CDH22: variants seen among roughly 807,000 people sequenced by gnomAD.
The protein encoded by CDH22 is cadherin 22, also known as cadherin-22.
Under a neutral mutation model 58.4 loss-of-function variants are expected in CDH22, and 30 were observed. The ratio of observed to expected loss-of-function variants is 0.51; its 90% CI spans 0.38 to 0.70. The LOEUF (loss-of-function observed/expected upper bound fraction) is 0.70, where lower values mean the gene tolerates loss of function less well. CDH22 is among the 30% of genes least tolerant of loss of function. CDH22 has a pLI of 0.00. For synonymous variants in CDH22, 513 were observed against 558.2 expected (o/e 0.92, Z 1.14); for missense variants, 1,014 against 1,233.9 (o/e 0.82, Z 2.67).
intron 5 of CDH22, among the ~76,000 whole-genome samples, chr20:46,214,778 G>C (rs2086071174): frequency 3.3e-5 from 5 of 152,158 alleles, no homozygotes; most frequent in Admixed American, 3.3e-4. Context: ...CTGCTCCTGT[G>C]CTCCCTTGGC....
At chr20:46,202,216 T>C (rs558856056) in intron 7 of CDH22, among the ~76,000 whole-genome samples, 30 of 152,094 alleles carry the variant, frequency 2.0e-4, no homozygotes, top group Admixed American at 1.8e-3. Flanking sequence ...GACCAGGAAG[T>C]ATCAAAGGGG....
chr20:46,189,345 G>A (rs1336112791), intron 8 of CDH22, among the ~76,000 whole-genome samples: 7 of 152,284 alleles, frequency 4.6e-5, no homozygotes, highest in Admixed American at 2.6e-4. Flanking sequence ...ACAGACAGAC[G>A]GTCGGTGCTT....
At chr20:46,227,393 G>T in intron 4 of CDH22, 115 bp downstream of exon 4, 4 of 1,043,128 alleles carry the variant, frequency 3.8e-6, no homozygotes, top group Non-Finnish European at 4.2e-6. Flanking sequence ...CCCCTGTGCT[G>T]TCCTCAGAGC....
intron 3 of CDH22, among the ~76,000 whole-genome samples, chr20:46,237,771 C>T (rs1460005962): frequency 6.6e-6 from 1 of 152,148 alleles, no homozygotes; most frequent in Non-Finnish European, 1.5e-5. Flanking sequence ...CTACTCTCTG[C>T]ATGACCTTGG....
At chr20:46,277,974 G>A (rs534273766) in intron 1 of CDH22, among the ~76,000 whole-genome samples, 5 of 151,962 alleles carry the variant, frequency 3.3e-5, no homozygotes, top group Admixed American at 6.6e-5. Context: ...GAGAGGGGGC[G>A]AAAGTGTAGA....
At chr20:46,295,611 G>A (rs958743734) in intron 1 of CDH22, among the ~76,000 whole-genome samples, 4 of 152,184 alleles carry the variant, frequency 2.6e-5, no homozygotes, top group African/African-American at 9.7e-5. Flanking sequence ...GGCAGCTCAG[G>A]GAGCAGAACC....
intron 1 of CDH22, among the ~76,000 whole-genome samples, chr20:46,286,397 G>A (rs1261022105): frequency 6.6e-6 from 1 of 152,114 alleles, no homozygotes; most frequent in Non-Finnish European, 1.5e-5. Flanking sequence ...CCCCATTAGC[G>A]CTGCTTTAAA....
chr20:46,285,533 C>T (rs868185147), intron 1 of CDH22, among the ~76,000 whole-genome samples: 7 of 152,242 alleles, frequency 4.6e-5, no homozygotes, highest in Admixed American at 2.6e-4. Flanking sequence ...GGACACCTTC[C>T]CCCCAAACAC....
At chr20:46,289,017 TC>T (rs1394635362) in intron 1 of CDH22, among the ~76,000 whole-genome samples, 2 of 152,218 alleles carry the variant, frequency 1.3e-5, no homozygotes, top group Admixed American at 1.3e-4. Context: ...GCTCATAAGA[TC>T]CAACAAGAAT....
chr20:46,239,106 A>G (rs2086273308), intron 3 of CDH22, among the ~76,000 whole-genome samples: 1 of 152,096 alleles, frequency 6.6e-6, no homozygotes, highest in Non-Finnish European at 1.5e-5. Context: ...TGGACCAATG[A>G]TCTAGTTGTT....
At chr20:46,220,391 T>C (rs1479482808) in intron 4 of CDH22, 1 of 46,268 alleles carries the variant, frequency 2.2e-5, no homozygotes, top group Non-Finnish European at 4.1e-5. Flanking sequence ...TGAAGAAAGA[T>C]GGTGGGGGGT....
chr20:46,178,430 A>C (rs984136425), intron 10 of CDH22, among the ~76,000 whole-genome samples: 12 of 151,980 alleles, frequency 7.9e-5, no homozygotes, highest in African/African-American at 2.7e-4. Context: ...TCAGCTGCCC[A>C]AAATCCTGTC....
At chr20:46,303,145 G>A (rs558931523) in intron 1 of CDH22, among the ~76,000 whole-genome samples, 181 of 152,234 alleles carry the variant, frequency 1.2e-3, no homozygotes, top group African/African-American at 3.8e-3. Context: ...TGCCCACCTC[G>A]CTGGCCTGGT....
intron 3 of CDH22, among the ~76,000 whole-genome samples, chr20:46,237,475 G>C (rs2086261650): frequency 6.6e-6 from 1 of 152,196 alleles, no homozygotes; most frequent in African/African-American, 2.4e-5. Flanking sequence ...GCCGGATCAG[G>C]AGGCTCAGTA....
At chr20:46,246,268 CTG>C (rs1461064966) in intron 2 of CDH22, among the ~76,000 whole-genome samples, 3 of 152,196 alleles carry the variant, frequency 2.0e-5, no homozygotes, top group Non-Finnish European at 4.4e-5. Flanking sequence ...CTGTTCACGA[CTG>C]TGCTACTCGT....
At chr20:46,281,203 T>C (rs2086549350) in intron 1 of CDH22, among the ~76,000 whole-genome samples, 1 of 152,090 alleles carries the variant, frequency 6.6e-6, no homozygotes, top group Admixed American at 6.6e-5. Context: ...GTGTGGAGGG[T>C]GGCTTTGGAA....
chr20:46,266,457 T>A (rs2086460098), intron 1 of CDH22, among the ~76,000 whole-genome samples: 1 of 152,114 alleles, frequency 6.6e-6, no homozygotes, highest in African/African-American at 2.4e-5. Context: ...CTGGTGTGTG[T>A]CTGGGGCCTC....
At chr20:46,307,548 C>T (rs1296261767) in intron 1 of CDH22, among the ~76,000 whole-genome samples, 8 of 152,150 alleles carry the variant, frequency 5.3e-5, no homozygotes, top group Non-Finnish European at 1.2e-4. Context: ...AAGAGAGCAG[C>T]GCTGGCTCTC....
chr20:46,202,831 C>A (rs2085971774), intron 7 of CDH22, among the ~76,000 whole-genome samples: 1 of 152,184 alleles, frequency 6.6e-6, no homozygotes, highest in Admixed American at 6.5e-5. Flanking sequence ...ACTTTGGAGA[C>A]CTCCTCCCAT....
Sources: gnomAD v4.1 joint callset for allele counts (sites outside exome capture counted in the v4.1 genomes callset) on GRCh38, gnomAD v4.1.1 for gene constraint, MANE v1.5 for transcripts, NCBI Gene and HGNC (gene_info 2026-07-23, HGNC 2026-07-21) for gene names.